The following GPR158 variants were observed in gnomAD, a reference collection of about 807,000 sequenced individuals.
GPR158 encodes the protein G protein-coupled receptor 158.
Under a neutral mutation model 78.2 loss-of-function variants are expected in GPR158, and 30 were observed. The observed-to-expected ratio is 0.38, with a 90% CI of 0.29 to 0.52. GPR158 has a LOEUF of 0.52. Among genes scored for constraint, GPR158 ranks in the 20% least tolerant of loss-of-function variants. The pLI is 0.83. For missense variants in GPR158, 1,463 were observed against 1,523.5 expected (o/e 0.96, Z 0.66); for synonymous variants, 581 against 591.1 (o/e 0.98, Z 0.25).
chr10:25,187,280 T>C (rs1852702318), intron 1 of GPR158, among the ~76,000 whole-genome samples: 1 of 149,810 alleles, frequency 6.7e-6, no homozygotes, highest in South Asian at 2.1e-4. Context: ...TAACTCATTT[T>C]ATGAGGCCAG....
intron 2 of GPR158, among the ~76,000 whole-genome samples, chr10:25,368,845 T>A (rs1190835202): frequency 3.5e-5 from 5 of 144,708 alleles, no homozygotes; most frequent in Non-Finnish European, 7.6e-5. Flanking sequence ...TTTTATTTCC[T>A]TGAGCAGTGG....
chr10:25,340,152 C>T (rs1855281296), intron 2 of GPR158, among the ~76,000 whole-genome samples: 1 of 152,000 alleles, frequency 6.6e-6, no homozygotes, highest in Admixed American at 6.6e-5. Context: ...GTGAGGTATT[C>T]TTCCCTCAGG....
chr10:25,354,464 C>A (rs544775619), intron 2 of GPR158, among the ~76,000 whole-genome samples: 1 of 151,858 alleles, frequency 6.6e-6, no homozygotes, highest in Non-Finnish European at 1.5e-5. Flanking sequence ...TAGCTCCATT[C>A]CCCGCTACAT....
At chr10:25,555,188 T>C (rs922938950) in intron 6 of GPR158, among the ~76,000 whole-genome samples, 2 of 152,128 alleles carry the variant, frequency 1.3e-5, no homozygotes, top group Non-Finnish European at 2.9e-5. Flanking sequence ...TGGCTTAGGA[T>C]TGACTTGGCG....
rs1169754752 is a variant in GPR158, at chr10:25,176,437, C to T, written c.902+115C>T. On this transcript the variant is annotated intron_variant, in intron 1 of 10. Coordinates refer to ENST00000376351, the MANE Select transcript of GPR158 (RefSeq NM_020752.3). The surrounding 1 kb of genome is among the most constrained non-coding windows in gnomAD (Gnocchi z 6.3). ...TGGCTGTGACGCGAACGCTTCTCAC[C>T]CTCAGAGTAGAGACCCGGGCTGAGG... 1 of 880,768 alleles carries T rather than the reference C, an allele frequency of 1.1e-6. No individual in the cohort carries two copies. Among genetic ancestry groups the T allele is most frequent in the African/African-American group, 1.7e-5 (1 of 59,878 alleles). 54.6% of individuals were successfully genotyped at this position (880,768 alleles called of 1,614,324 possible).
rs764471402 is a variant in GPR158, at chr10:25,466,685, C to T, written c.1370C>T (p.Thr457Met). 6.2e-6 allele frequency: 10 copies of T among 1,606,846 alleles called. No homozygotes were observed. Among genetic ancestry groups the T allele is most frequent in the South Asian group, 1.1e-5 (1 of 90,066 alleles). The change falls in exon 5 of 11, where the codon ACG becomes ATG. Residue 457 changes from threonine (T) to methionine (M), a missense_variant. Physicochemically the swap from Thr to Met is moderately conservative, Grantham distance 81. Coordinates refer to ENST00000376351, the MANE Select transcript of GPR158 (RefSeq NM_020752.3). ...IRASGLILLETILFGSLLLYF... is the reference protein window; with the variant it reads ...IRASGLILLEMILFGSLLLYF... ...GCATCGGGCCTTATCCTGTTGGAAA[C>T]GATCCTTTTTGGATCTCTGCTCCTA...
intron 1 of GPR158, among the ~76,000 whole-genome samples, chr10:25,192,126 C>A (rs565504777): frequency 6.6e-6 from 1 of 152,070 alleles, no homozygotes; most frequent in Non-Finnish European, 1.5e-5. Context: ...GTAATTGGAT[C>A]GTGGGGGCAG....
chr10:25,486,131 C>T (rs1835732063), intron 5 of GPR158, among the ~76,000 whole-genome samples: 1 of 152,120 alleles, frequency 6.6e-6, no homozygotes, highest in Admixed American at 6.6e-5. Context: ...CAATTTGTGG[C>T]ATTTTGTTAG....
intron 2 of GPR158, among the ~76,000 whole-genome samples, chr10:25,298,587 T>C (rs1371010540): frequency 6.6e-6 from 1 of 152,186 alleles, no homozygotes; most frequent in African/African-American, 2.4e-5. Context: ...CTCATTAATT[T>C]TTATTTTTTC....
chr10:25,182,258 A>G (rs2130629505), intron 1 of GPR158, among the ~76,000 whole-genome samples: 1 of 152,324 alleles, frequency 6.6e-6, no homozygotes, highest in African/African-American at 2.4e-5. Flanking sequence ...TACAGGACTT[A>G]AGACTTCCTG....
intron 5 of GPR158, among the ~76,000 whole-genome samples, chr10:25,520,350 A>C (rs1336164121): frequency 3.5e-5 from 5 of 144,840 alleles, no homozygotes; most frequent in Admixed American, 2.7e-4. Context: ...TAATTTGATC[A>C]TCTGAAGCCT....
intron 5 of GPR158, among the ~76,000 whole-genome samples, chr10:25,526,259 A>G (rs1335219783): frequency 6.6e-6 from 1 of 152,204 alleles, no homozygotes; most frequent in Non-Finnish European, 1.5e-5. Flanking sequence ...AAGCAGGCAG[A>G]AACTAGAAGG....
chr10:25,204,817 G>GGTTT (rs1213497974), intron 1 of GPR158, among the ~76,000 whole-genome samples: 1 of 130,960 alleles, frequency 7.6e-6, no homozygotes, highest in African/African-American at 4.0e-5. Flanking sequence ...AGTCTCTGAG[G>GGTTT]GTTTTTTTTT....
intron 5 of GPR158, among the ~76,000 whole-genome samples, chr10:25,513,914 A>G (rs1564476031): frequency 6.6e-6 from 1 of 152,062 alleles, no homozygotes; most frequent in Non-Finnish European, 1.5e-5. Context: ...TTTTAAATTT[A>G]TTGGGACTTG....
intron 1 of GPR158, among the ~76,000 whole-genome samples, chr10:25,192,399 A>G (rs556408928): frequency 6.6e-6 from 1 of 152,312 alleles, no homozygotes; most frequent in East Asian, 1.9e-4. Context: ...GAACGGACTA[A>G]TACAGTGTCT....
At chr10:25,504,398 G>C (rs920364818) in intron 5 of GPR158, among the ~76,000 whole-genome samples, 2 of 152,136 alleles carry the variant, frequency 1.3e-5, no homozygotes, top group African/African-American at 4.8e-5. Context: ...GCTCCAAGGG[G>C]TTGACTGCCT....
chr10:25,589,387 G>T (rs956084647), intron 8 of GPR158, among the ~76,000 whole-genome samples: 1 of 152,002 alleles, frequency 6.6e-6, no homozygotes, highest in African/African-American at 2.4e-5. Flanking sequence ...CAATGTTATT[G>T]TATTATCTTA....
intron 2 of GPR158, among the ~76,000 whole-genome samples, chr10:25,310,140 C>T (rs1402270965): frequency 1.3e-5 from 2 of 152,152 alleles, no homozygotes; most frequent in African/African-American, 4.8e-5. Context: ...TTCCCAACAG[C>T]ATTTGTTGAA....
chr10:25,274,031 G>A (rs1181094709), intron 2 of GPR158, among the ~76,000 whole-genome samples: 1 of 152,154 alleles, frequency 6.6e-6, no homozygotes, highest in Non-Finnish European at 1.5e-5. Flanking sequence ...GTGTGGTTTA[G>A]AAAGAGACAA....
Sources: gnomAD v4.1 joint callset for allele counts (sites outside exome capture counted in the v4.1 genomes callset) on GRCh38, gnomAD v4.1.1 for gene constraint, Gnocchi (gnomAD v3.1) non-coding constraint, MANE v1.5 for transcripts, NCBI Gene and HGNC (gene_info 2026-07-23, HGNC 2026-07-21) for gene names.